The following LEF1 variants were observed in gnomAD, a reference collection of about 807,000 sequenced individuals.
LEF1 encodes lymphoid enhancer-binding factor 1.
A neutral mutation model predicts 51.2 loss-of-function variants in LEF1; 14 were observed. The observed-to-expected ratio is 0.27, with a 90% CI of 0.18 to 0.43. The LOEUF is 0.43. Among genes scored for constraint, LEF1 ranks in the 20% least tolerant of loss-of-function variants. LEF1 has a pLI of 1.00. For missense variants in LEF1, 386 were observed against 512.0 expected, an observed-to-expected ratio of 0.75 and a Z score of 2.37; for synonymous variants, 185 against 183.2, an observed-to-expected ratio of 1.01 and a Z score of -0.08.
chr4:108,064,316 GA>G lies in LEF1; in HGVS notation c.1165+19del. 5 of 1,592,678 alleles carry G rather than the reference GA, an allele frequency of 3.1e-6. No homozygotes were observed. Among genetic ancestry groups the G allele is most frequent in the Non-Finnish European group, 4.3e-6 (5 of 1,160,714 alleles). ...TTGTCAGAAGCCTGAGGATTGACTG[GA>G]AAGTCTCATGGTGCCTACCTGATGC... On this transcript the variant is annotated intron_variant, in intron 10 of 11. Coordinates refer to ENST00000265165, the MANE Select transcript of LEF1 (RefSeq NM_016269.5).
At chr4:108,141,650 T>G (rs1046497320) in intron 3 of LEF1, among the ~76,000 whole-genome samples, 9 of 152,138 alleles carry the variant, frequency 5.9e-5, no homozygotes, top group Non-Finnish European at 1.2e-4. Flanking sequence ...TTTGAAGAGA[T>G]CAAAGCCAAG....
intron 3 of LEF1, among the ~76,000 whole-genome samples, chr4:108,157,963 GT>G (rs1339404920): frequency 6.6e-6 from 1 of 152,170 alleles, no homozygotes; most frequent in African/African-American, 2.4e-5. Flanking sequence ...GAATTTCTGA[GT>G]TAGCAATGCC....
At chr4:108,140,389 C>T (rs538401864) in intron 3 of LEF1, among the ~76,000 whole-genome samples, 5 of 152,322 alleles carry the variant, frequency 3.3e-5, no homozygotes, top group African/African-American at 1.2e-4. Context: ...GGCATATCTG[C>T]TCCTTTCCTC....
chr4:108,052,872 G>A (rs1273678403), intron 11 of LEF1, among the ~76,000 whole-genome samples: 1 of 152,136 alleles, frequency 6.6e-6, no homozygotes, highest in East Asian at 1.9e-4. Flanking sequence ...ACTGAGACAT[G>A]GACTTTAGAA....
chr4:108,097,551 G>T (rs76655938), intron 3 of LEF1, among the ~76,000 whole-genome samples: 1 of 152,042 alleles, frequency 6.6e-6, no homozygotes, highest in Admixed American at 6.5e-5. Context: ...ATAATTTATC[G>T]TAAGTTTTAA....
intron 6 of LEF1, 152 bp downstream of exon 6, chr4:108,081,434 A>T (rs1739297042): frequency 3.1e-6 from 2 of 635,174 alleles, no homozygotes; most frequent in South Asian, 3.7e-5. Context: ...TCTCTCTGAC[A>T]CCTAGTGTGG....
At chr4:108,158,001 C>T (rs1439931857) in intron 3 of LEF1, among the ~76,000 whole-genome samples, 1 of 152,198 alleles carries the variant, frequency 6.6e-6, no homozygotes, top group Non-Finnish European at 1.5e-5. Flanking sequence ...GTCCTCTGCT[C>T]AACTCCCCGC....
chr4:108,150,586 C>T (rs919526229), intron 3 of LEF1, among the ~76,000 whole-genome samples: 1 of 152,158 alleles, frequency 6.6e-6, no homozygotes, highest in Non-Finnish European at 1.5e-5. Flanking sequence ...CTTTAATCCT[C>T]AAAGTAGTTT....
At chr4:108,096,906 G>C (rs4458527) in intron 3 of LEF1, among the ~76,000 whole-genome samples, 78,458 of 151,966 alleles carry the variant, frequency 0.52, 20,854 homozygotes, top group Middle Eastern at 0.69. Flanking sequence ...TCTCACCCCA[G>C]TTAAAATGGT....
chr4:108,120,221 G>A (rs1239836154), intron 3 of LEF1, among the ~76,000 whole-genome samples: 1 of 151,918 alleles, frequency 6.6e-6, no homozygotes, highest in African/African-American at 2.4e-5. Flanking sequence ...TGTAGAGATG[G>A]GGTCTCGCTT....
intron 3 of LEF1, among the ~76,000 whole-genome samples, chr4:108,136,815 G>A (rs1743294646): frequency 3.9e-5 from 6 of 151,908 alleles, no homozygotes; most frequent in African/African-American, 1.5e-4. Flanking sequence ...AATATCCAAG[G>A]GTAAAAAGGG....
rs77154519 is a variant in LEF1 at position 108,098,998 on chromosome 4, G to A, written c.415-9741C>T. On this transcript the variant is annotated intron_variant, in intron 3 of 11. Transcript: ENST00000265165. ...CCAATATGGTAGCCATTAGGCATTAGGTCGAGCCCTTGAAAGGTGGCTAGT... is the reference window on the plus strand; with the variant it reads ...CCAATATGGTAGCCATTAGGCATTAAGTCGAGCCCTTGAAAGGTGGCTAGT... Among the ~76,000 whole-genome samples the A allele has an allele frequency of 8.7e-4, 133 of 152,276 alleles. 3 individuals are homozygous for A. The East Asian group carries it at 0.024, about 28-fold the overall frequency.
chr4:108,110,455 T>C (rs755096286), intron 3 of LEF1, among the ~76,000 whole-genome samples: 2 of 152,202 alleles, frequency 1.3e-5, no homozygotes, highest in Admixed American at 6.5e-5. Context: ...TGCAATTGTC[T>C]TTGAGATTGA....
At chr4:108,063,044 T>C (rs1490607676) in intron 11 of LEF1, among the ~76,000 whole-genome samples, 2 of 152,114 alleles carry the variant, frequency 1.3e-5, no homozygotes, top group African/African-American at 4.8e-5. Flanking sequence ...CTAGCAATAG[T>C]TACCAATAAA....
At chr4:108,134,792 T>C (rs895309170) in intron 3 of LEF1, among the ~76,000 whole-genome samples, 5 of 152,316 alleles carry the variant, frequency 3.3e-5, no homozygotes, top group Non-Finnish European at 7.4e-5. Flanking sequence ...CAAGGTCACA[T>C]AGCAAGCCAA....
intron 11 of LEF1, among the ~76,000 whole-genome samples, chr4:108,052,408 G>A (rs1737062366): frequency 6.6e-6 from 1 of 152,216 alleles, no homozygotes; most frequent in Non-Finnish European, 1.5e-5. Flanking sequence ...AATTTGAGGG[G>A]AGAATATTAG....
chr4:108,159,864 A>G (rs1394536096), intron 3 of LEF1, among the ~76,000 whole-genome samples: 1 of 152,238 alleles, frequency 6.6e-6, no homozygotes. Context: ...AACATTTTAA[A>G]AGATAGCTGA....
chr4:108,064,516 T>A, intron 9 of LEF1, 132 bp from the exon 10 acceptor site: 1 of 626,748 alleles, frequency 1.6e-6, no homozygotes. Context: ...CTTCACCATC[T>A]CTATCTAGAA....
intron 3 of LEF1, among the ~76,000 whole-genome samples, chr4:108,097,154 A>G (rs182952668): frequency 1.3e-5 from 2 of 152,372 alleles, no homozygotes; most frequent in Admixed American, 1.3e-4. Flanking sequence ...TTACTGCAGC[A>G]CTATTCACAA....
Sources: allele counts gnomAD v4.1 joint callset (sites outside exome capture counted in the v4.1 genomes callset), GRCh38; gene constraint gnomAD v4.1.1; transcripts MANE v1.5; gene names NCBI Gene and HGNC (gene_info 2026-07-23, HGNC 2026-07-21).